HIF1A: variants seen among roughly 807,000 people sequenced by gnomAD.
HIF1A encodes hypoxia inducible factor 1 subunit alpha.
HIF1A carries 24 observed loss-of-function variants against 92.7 expected under a neutral mutation model. That is an observed-to-expected ratio of 0.26 (90% confidence interval 0.19 to 0.36). The LOEUF is 0.36. HIF1A is among the 10% of genes least tolerant of loss of function. The pLI, the probability that HIF1A is intolerant of heterozygous loss-of-function variation, is 1.00. For missense variants in HIF1A, 799 were observed against 998.5 expected (o/e 0.80, Z 2.69); for synonymous variants, 319 against 338.7 (o/e 0.94, Z 0.64).
intron 1 of HIF1A, among the ~76,000 whole-genome samples, chr14:61,709,250 A>G (rs1288327181): frequency 2.0e-5 from 3 of 152,212 alleles, no homozygotes; most frequent in African/African-American, 4.8e-5. Flanking sequence ...CTCAACACCA[A>G]TTCTGGACCA....
rs1404187796 is a variant in HIF1A, at chr14:61,747,066, C to G, written c.2462C>G (p.Ala821Gly). 6.2e-7 allele frequency: 1 copy of G among 1,609,792 alleles called. No homozygotes were observed. Among genetic ancestry groups the G allele is most frequent in the African/African-American group, 1.3e-5 (1 of 74,664 alleles). The change falls in exon 15 of 15, where the codon GCT becomes GGT. Residue 821 changes from alanine to glycine, a missense_variant. By Grantham distance (60) the Ala-to-Gly change is moderately conservative (BLOSUM62 0). Transcript: ENST00000337138. ...NLLQGEELLR[A>G]LDQVN ...CTGCAGGGTGAAGAATTACTCAGAG[C>G]TTTGGATCAAGTTAACTGAGCTTTT...
intron 7 of HIF1A, among the ~76,000 whole-genome samples, chr14:61,732,766 A>C (rs2044591940): frequency 6.6e-6 from 1 of 152,254 alleles, no homozygotes; most frequent in Non-Finnish European, 1.5e-5. Context: ...ACTTTTGAAA[A>C]TCCAAATATT....
intron 7 of HIF1A, among the ~76,000 whole-genome samples, chr14:61,733,166 A>G (rs540940347): frequency 6.6e-6 from 1 of 152,096 alleles, no homozygotes; most frequent in Non-Finnish European, 1.5e-5. Flanking sequence ...GCTCACTGCA[A>G]CCCCCGCCTA....
intron 9 of HIF1A, among the ~76,000 whole-genome samples, chr14:61,737,726 T>C (rs1199806783): frequency 6.6e-6 from 1 of 152,192 alleles, no homozygotes; most frequent in Non-Finnish European, 1.5e-5. Flanking sequence ...ATAAATTTTT[T>C]ATATGTGAAA....
chr14:61,715,878 G>A (rs1159537447), intron 1 of HIF1A: 1 of 152,208 alleles, frequency 6.6e-6, no homozygotes, highest in African/African-American at 2.4e-5. Flanking sequence ...TGTGCCTGTA[G>A]CTACTTGGGA....
chr14:61,736,683 G>A (rs2140152264), intron 8 of HIF1A, among the ~76,000 whole-genome samples: 1 of 152,306 alleles, frequency 6.6e-6, no homozygotes, highest in South Asian at 2.1e-4. Flanking sequence ...GTTGCATACT[G>A]TGGATTTTAT....
intron 14 of HIF1A, among the ~76,000 whole-genome samples, chr14:61,746,540 A>G (rs577141787): frequency 6.6e-6 from 1 of 151,760 alleles, no homozygotes; most frequent in East Asian, 2.0e-4. Flanking sequence ...AGTAGCTCGC[A>G]CTACAGACAT....
intron 4 of HIF1A, among the ~76,000 whole-genome samples, chr14:61,724,937 C>A (rs1163128545): frequency 1.3e-5 from 2 of 152,252 alleles, no homozygotes; most frequent in African/African-American, 4.8e-5. Flanking sequence ...CTCCGTGGTA[C>A]AGCCCTAACC....
At chr14:61,720,148 A>C (rs1455724311) in intron 1 of HIF1A, among the ~76,000 whole-genome samples, 1 of 152,190 alleles carries the variant, frequency 6.6e-6, no homozygotes, top group Non-Finnish European at 1.5e-5. Context: ...GACAGGTTTA[A>C]AGCTTGGTTT....
intron 1 of HIF1A, among the ~76,000 whole-genome samples, chr14:61,704,059 T>C (rs2044207787): frequency 6.6e-6 from 1 of 152,208 alleles, no homozygotes; most frequent in South Asian, 2.1e-4. Flanking sequence ...CAAATTGCTT[T>C]ATTGGGATGA....
chr14:61,725,245 C>G (rs1385985549), intron 4 of HIF1A, among the ~76,000 whole-genome samples: 1 of 152,062 alleles, frequency 6.6e-6, no homozygotes, highest in Non-Finnish European at 1.5e-5. Context: ...TTTTGTTGAC[C>G]TTACTATATC....
intron 1 of HIF1A, among the ~76,000 whole-genome samples, chr14:61,707,789 C>G (rs1819258926): frequency 1.3e-5 from 2 of 150,856 alleles, no homozygotes; most frequent in Non-Finnish European, 3.0e-5. Context: ...GTCTTTATAG[C>G]AGCATGATTT....
In HIF1A at chr14:61,734,257, T is replaced by C. The variant is rs1257784802; in HGVS notation, c.1000T>C (p.Cys334Arg). ...TAACACCAAGAATTCTCAACCACAG[T>C]GCATTGTATGTGTGAATTACGTTGT... Reference protein sequence around the residue: ...IYNTKNSQPQCIVCVNYVVSG... With the variant: ...IYNTKNSQPQRIVCVNYVVSG... Residue 334 changes from cysteine to arginine, a missense_variant, in exon 8 of 15, where the codon TGC (cysteine) becomes CGC (arginine). Cys to Arg is a radical substitution (Grantham distance 180). This residue lies in a region of HIF1A where 516 missense variants were observed against 721.0 expected (regional missense o/e 0.72). Transcript: ENST00000337138. 1.2e-6 allele frequency: 2 copies of C among 1,612,306 alleles called. No individual in the cohort carries two copies. The highest frequency in any genetic ancestry group is 1.7e-6 in the Non-Finnish European group (2 of 1,179,134).
chr14:61,718,200 T>G (rs2044385080), intron 1 of HIF1A, among the ~76,000 whole-genome samples: 1 of 151,528 alleles, frequency 6.6e-6, no homozygotes, highest in Non-Finnish European at 1.5e-5. Flanking sequence ...AGCCTGTAAT[T>G]TGAGCCCTTT....
At chr14:61,746,442 G>A (rs1248957318) in intron 14 of HIF1A, among the ~76,000 whole-genome samples, 1 of 138,956 alleles carries the variant, frequency 7.2e-6, no homozygotes, top group African/African-American at 3.0e-5. Context: ...TGTTGCCCAG[G>A]CCTGGAGTGC....
At chr14:61,712,472 T>G (rs975725661) in intron 1 of HIF1A, among the ~76,000 whole-genome samples, 3 of 151,350 alleles carry the variant, frequency 2.0e-5, no homozygotes, top group Admixed American at 2.0e-4. Flanking sequence ...GTGATATGAC[T>G]TGATTTCTTG....
At chr14:61,702,256 C>T (rs1293203511) in intron 1 of HIF1A, among the ~76,000 whole-genome samples, 20 of 135,772 alleles carry the variant, frequency 1.5e-4, no homozygotes, top group Non-Finnish European at 2.7e-4. Context: ...GGAGAAACCC[C>T]GTCTCTACTA....
chr14:61,703,078 A>C (rs2044195725), intron 1 of HIF1A, among the ~76,000 whole-genome samples: 1 of 152,184 alleles, frequency 6.6e-6, no homozygotes, highest in Non-Finnish European at 1.5e-5. Context: ...CCTTTTTATC[A>C]AACCTATTCT....
intron 1 of HIF1A, among the ~76,000 whole-genome samples, chr14:61,710,719 CT>C (rs2044296102): frequency 6.6e-6 from 1 of 151,950 alleles, no homozygotes; most frequent in South Asian, 2.1e-4. Context: ...ATTAATAATA[CT>C]TCCAATAATA....
Sources: allele counts gnomAD v4.1 joint callset (sites outside exome capture counted in the v4.1 genomes callset), GRCh38; gene constraint gnomAD v4.1.1; regional missense constraint gnomAD v4.1.1; transcripts MANE v1.5; gene names NCBI Gene and HGNC (gene_info 2026-07-23, HGNC 2026-07-21).